The following MYL12A variants were observed in gnomAD, a reference collection of about 807,000 sequenced individuals.
MYL12A encodes the protein myosin regulatory light chain 12A.
Under a neutral mutation model 13.3 loss-of-function variants are expected in MYL12A, and 11 were observed. The observed-to-expected ratio is 0.83, with a 90% CI of 0.52 to 1.37. The LOEUF is 1.37. Among genes scored for constraint, MYL12A ranks in the 40% most tolerant of loss-of-function variants. MYL12A has a pLI of 0.00. For missense variants in MYL12A, 146 were observed against 212.3 expected, an observed-to-expected ratio of 0.69 and a Z score of 1.94; for synonymous variants, 51 against 69.9, an observed-to-expected ratio of 0.73 and a Z score of 1.35.
At chr18:3,251,185 A>T (rs1187845855) in intron 1 of MYL12A, among the ~76,000 whole-genome samples, 4 of 152,120 alleles carry the variant, frequency 2.6e-5, no homozygotes, top group Non-Finnish European at 5.9e-5. Context: ...CTATTTTATA[A>T]TACATTTACA....
intron 1 of MYL12A, among the ~76,000 whole-genome samples, chr18:3,250,492 C>A (rs753743621): frequency 1.3e-5 from 2 of 152,158 alleles, no homozygotes; most frequent in African/African-American, 4.8e-5. Context: ...AGGGAAAAAA[C>A]CCCACAGTTT....
Position 3,249,276 on chromosome 18 carries a change from C to G in MYL12A, c.-16+1367C>G, listed in dbSNP as rs2081460755. On this transcript the variant is annotated intron_variant, in intron 1 of 3. Coordinates refer to ENST00000217652, the MANE Select transcript of MYL12A (RefSeq NM_006471.4). ...TGTGTCCTTTGGTGTGTGGGGAAAG[C>G]CACTTTGAGAATCTCTTCTATTTCT... 1.3e-5 allele frequency: 2 copies of G among 152,048 alleles called. 1 individual carries two copies. The highest frequency in any genetic ancestry group is 4.1e-4 in the South Asian group (2 of 4,832). 9.4% of individuals were successfully genotyped at this position (152,048 alleles called of 1,614,324 possible). A position where few individuals can be genotyped will look rare whatever the true frequency, so the allele number is the denominator to read the frequency against.
intron 1 of MYL12A, among the ~76,000 whole-genome samples, chr18:3,250,226 G>A (rs1281319035): frequency 5.3e-5 from 8 of 152,162 alleles, no homozygotes; most frequent in African/African-American, 1.9e-4. Flanking sequence ...TAATAATAAA[G>A]CAATTTCAAC....
rs1175630986 is a variant in MYL12A, at chr18:3,255,976, T to C, written c.*58T>C. On this transcript the variant is annotated 3_prime_UTR_variant, in exon 4 of 4. Coordinates refer to ENST00000217652, the MANE Select transcript of MYL12A (RefSeq NM_006471.4). ...TTGCCACTTTGGGTATTCTGAGATT[T>C]TCTCTTGCATGCCCTTAGCTTTACA... The C allele has an allele frequency of 6.3e-7, 1 of 1,580,620 alleles. No homozygotes were observed. Among genetic ancestry groups the C allele is most frequent in the Non-Finnish European group, 8.6e-7 (1 of 1,159,902 alleles).
At chr18:3,253,493 C>G in intron 2 of MYL12A, 65 bp downstream of exon 2, 1 of 1,561,214 alleles carries the variant, frequency 6.4e-7, no homozygotes, top group Admixed American at 1.7e-5. Context: ...ATCTTGATTT[C>G]ATGAGTCTTA....
At chr18:3,249,309 A>T (rs1414700132) in intron 1 of MYL12A, 1 of 152,018 alleles carries the variant, frequency 6.6e-6, no homozygotes, top group Non-Finnish European at 1.5e-5. Flanking sequence ...TCTCCCACCT[A>T]TTAATCTAGT....
intron 1 of MYL12A, among the ~76,000 whole-genome samples, chr18:3,252,942 A>G (rs768251001): frequency 6.6e-6 from 1 of 152,186 alleles, no homozygotes; most frequent in Non-Finnish European, 1.5e-5. Flanking sequence ...CAGCACCCCT[A>G]TACTGCTGAA....
At chr18:3,254,171 C>A in intron 3 of MYL12A, 121 bp downstream of exon 3, 2 of 1,133,478 alleles carry the variant, frequency 1.8e-6, no homozygotes, top group Non-Finnish European at 2.5e-6. Flanking sequence ...TTTTTTTAGA[C>A]AGAGTTCTCT....
At chr18:3,253,595 C>A in intron 2 of MYL12A, 167 bp downstream of exon 2, 1 of 894,088 alleles carries the variant, frequency 1.1e-6, no homozygotes, top group Non-Finnish European at 1.7e-6. Flanking sequence ...ATTCGTGACC[C>A]TGTCTTAGGA....
Position 3,251,167 on chromosome 18 carries a change from TTAAA to T in MYL12A, c.-15-2065_-15-2062del, listed in dbSNP as rs2081481731. On this transcript the variant is annotated intron_variant, in intron 1 of 3. Transcript: ENST00000217652. ...AAAAAAAAAAAAAAGCTTTTTTACT[TTAAA>T]AATCTATTTTATAATACATTTACAA... 6.6e-5 allele frequency among the ~76,000 whole-genome samples: 10 copies of T among 152,192 alleles called. 2 individuals are homozygous for T. Among genetic ancestry groups the T allele is most frequent in the African/African-American group, 2.4e-4 (10 of 41,542 alleles).
In MYL12A at chr18:3,256,021, T is replaced by G; in HGVS notation, c.*103T>G. The G allele has an allele frequency of 6.9e-7, 1 of 1,441,336 alleles. No individual in the cohort carries two copies. Among genetic ancestry groups the G allele is most frequent in the African/African-American group, 1.4e-5 (1 of 69,200 alleles). The allele number at this position is 1,441,336 out of a possible 1,614,324, so 89.3% of individuals were successfully genotyped here. ...TTTACAGCTTTTGCATTTCCTGTTG[T>G]ATTTATTCTCAGCCATTTTGGGCAT... On this transcript the variant is annotated 3_prime_UTR_variant, in exon 4 of 4. Transcript: ENST00000217652.
At chr18:3,255,303 G>A (rs1662342) in intron 3 of MYL12A, 25,114 of 152,852 alleles carry the variant, frequency 0.16, 2,242 homozygotes, top group East Asian at 0.26. Context: ...TCAAGCTTCC[G>A]GTATTCTTTC....
intron 2 of MYL12A, 59 bp from the exon 3 acceptor site, chr18:3,253,830 A>G: frequency 6.7e-7 from 1 of 1,499,586 alleles, no homozygotes; most frequent in Non-Finnish European, 9.1e-7. Context: ...GTTTACTGTC[A>G]TTAATAGTTG....
intron 1 of MYL12A, among the ~76,000 whole-genome samples, chr18:3,251,862 CT>C (rs1555634456): frequency 6.6e-6 from 1 of 152,062 alleles, no homozygotes. Context: ...CCATACGGTG[CT>C]GTATTGGATG....
At chr18:3,247,991 C>T (rs1366184256) in intron 1 of MYL12A, 82 bp downstream of exon 1, 1 of 152,324 alleles carries the variant, frequency 6.6e-6, no homozygotes, top group Non-Finnish European at 1.5e-5. Context: ...CGGCGGGGCT[C>T]CTGGCGCCGG....
chr18:3,251,140 C>G (rs894995509), intron 1 of MYL12A, among the ~76,000 whole-genome samples: 53 of 140,176 alleles, frequency 3.8e-4, no homozygotes, highest in Middle Eastern at 7.2e-3. Flanking sequence ...CAGTGCTGAC[C>G]CAAAAAAAAA....
chr18:3,250,624 C>G (rs8092228), intron 1 of MYL12A, among the ~76,000 whole-genome samples: 119,381 of 152,118 alleles, frequency 0.78, 47,869 homozygotes, highest in East Asian at 0.94. Context: ...GTAGTAACTT[C>G]CTCAACATTA....
rs113988463 is a variant in MYL12A, at chr18:3,255,960, T to G, written c.*42T>G. 2.4e-5 allele frequency: 39 copies of G among 1,600,150 alleles called. No individual in the cohort carries two copies. The highest frequency in any genetic ancestry group is 2.7e-5 in the Non-Finnish European group (32 of 1,172,654). On this transcript the variant is annotated 3_prime_UTR_variant, in exon 4 of 4. Coordinates refer to ENST00000217652, the MANE Select transcript of MYL12A (RefSeq NM_006471.4). ...AGCCAAACGTTCCTTGTTGCCACTTTGGGTATTCTGAGATTTTCTCTTGCA... is the reference window on the plus strand; with the variant it reads ...AGCCAAACGTTCCTTGTTGCCACTTGGGGTATTCTGAGATTTTCTCTTGCA...
intron 3 of MYL12A, among the ~76,000 whole-genome samples, chr18:3,255,158 C>A (rs2081524593): frequency 6.6e-6 from 1 of 152,210 alleles, no homozygotes; most frequent in Non-Finnish European, 1.5e-5. Flanking sequence ...CATGTTTTTG[C>A]ATGTGCTGGG....
Sources: gnomAD v4.1 joint callset for allele counts (sites outside exome capture counted in the v4.1 genomes callset) on GRCh38, gnomAD v4.1.1 for gene constraint, MANE v1.5 for transcripts, NCBI Gene and HGNC (gene_info 2026-07-23, HGNC 2026-07-21) for gene names.